Variants in RGS20 observed in about 807,000 individuals in gnomAD.
RGS20 encodes regulator of G protein signaling 20.
Under a neutral mutation model 33.6 loss-of-function variants are expected in RGS20, and 30 were observed. The observed-to-expected ratio is 0.89, with a 90% CI of 0.67 to 1.21. The LOEUF is 1.21. Ranked by LOEUF, RGS20 falls within the 50% of genes most tolerant of loss-of-function variation. The pLI is 0.00. For synonymous variants in RGS20, 208 were observed against 197.9 expected (o/e 1.05, Z -0.43); for missense variants, 472 against 502.4 (o/e 0.94, Z 0.58).
intron 4 of RGS20, among the ~76,000 whole-genome samples, chr8:53,949,615 T>C (rs150885284): frequency 3.9e-4 from 59 of 151,158 alleles, no homozygotes; most frequent in African/African-American, 1.4e-3. Context: ...GTTTGGAAGG[T>C]TGAGGCAGGG....
chr8:53,956,059 A>T (rs1311666858), intron 5 of RGS20, among the ~76,000 whole-genome samples: 2 of 152,144 alleles, frequency 1.3e-5, no homozygotes, highest in Non-Finnish European at 2.9e-5. Flanking sequence ...GGGGTGAGCC[A>T]TCCACAAAGG....
intron 2 of RGS20, among the ~76,000 whole-genome samples, chr8:53,897,050 T>C (rs1171889916): frequency 6.6e-6 from 1 of 152,232 alleles, no homozygotes; most frequent in Non-Finnish European, 1.5e-5. Flanking sequence ...AAGTGGAATT[T>C]GTGAAAAAAG....
chr8:53,918,861 C>T (rs1357056109), intron 2 of RGS20, among the ~76,000 whole-genome samples: 2 of 152,140 alleles, frequency 1.3e-5, no homozygotes, highest in South Asian at 2.1e-4. Context: ...ATGTTTACAA[C>T]AATAAACAAA....
At position 53,958,281 on chromosome 8, in the gene RGS20, C is replaced by A; in HGVS notation, c.990C>A (p.Asp330Glu). ...GTTTCTGTCGACAGGTGAGCTTAGA[C>A]TCCCGGGTGAGAGAAGTGATCAACA... is the stretch of plus-strand genomic sequence containing the variant. Residue 330 changes from aspartate to glutamate, a missense_variant, in exon 6 of 6, where the codon GAC becomes GAA. By Grantham distance (45) the Asp-to-Glu change is conservative (BLOSUM62 2). Around this residue, in one of 3 missense-constraint regions of RGS20, gnomAD observed 125 missense variants for 169.5 expected, o/e 0.74. Coordinates refer to ENST00000297313, the MANE Select transcript of RGS20 (RefSeq NM_170587.4). 1 of 1,610,858 alleles carries A rather than the reference C, an allele frequency of 6.2e-7. No homozygotes were observed. Among genetic ancestry groups the A allele is most frequent in the Non-Finnish European group, 8.5e-7 (1 of 1,178,214 alleles).
chr8:53,944,707 T>C (rs540926710), intron 3 of RGS20, among the ~76,000 whole-genome samples: 5 of 152,074 alleles, frequency 3.3e-5, no homozygotes, highest in Non-Finnish European at 7.3e-5. Context: ...GATATAAAAT[T>C]ATCATTAAAA....
intron 2 of RGS20, among the ~76,000 whole-genome samples, chr8:53,900,987 C>T (rs1304264908): frequency 6.6e-6 from 1 of 152,106 alleles, no homozygotes; most frequent in Admixed American, 6.6e-5. Flanking sequence ...TCCTCCACAC[C>T]CCTCACAGCA....
chr8:53,922,597 T>A (rs1310345955), intron 2 of RGS20, among the ~76,000 whole-genome samples: 1 of 152,214 alleles, frequency 6.6e-6, no homozygotes, highest in Non-Finnish European at 1.5e-5. Context: ...CTTATTAACT[T>A]CCTTTGTTTT....
At chr8:53,906,211 C>T (rs942599452) in intron 2 of RGS20, among the ~76,000 whole-genome samples, 2 of 151,992 alleles carry the variant, frequency 1.3e-5, no homozygotes, top group Non-Finnish European at 2.9e-5. Flanking sequence ...CTCGTCCCTA[C>T]TAAAAATACA....
chr8:53,890,772 G>A (rs1054480366), intron 2 of RGS20, among the ~76,000 whole-genome samples: 3 of 152,224 alleles, frequency 2.0e-5, no homozygotes, highest in Non-Finnish European at 4.4e-5. Flanking sequence ...TGGGATTACA[G>A]GCACTTGCCA....
Position 53,942,642 on chromosome 8 carries a change from T to C in RGS20, c.659+2918T>C, listed in dbSNP as rs575813485. ...GGATGAATATATTGTGGTATAGTTA[T>C]ACAATCCACTACCATACAGCACTTA... On this transcript the variant is annotated intron_variant, in intron 3 of 5. Coordinates refer to ENST00000297313, the MANE Select transcript of RGS20 (RefSeq NM_170587.4). Among the ~76,000 whole-genome samples the C allele has an allele frequency of 9.9e-5, 15 of 152,188 alleles. 1 individual carries two copies. In the South Asian group the frequency reaches 2.9e-3, roughly 29 times the overall value.
intron 2 of RGS20, among the ~76,000 whole-genome samples, chr8:53,888,928 AAT>A (rs2129277020): frequency 6.6e-6 from 1 of 152,318 alleles, no homozygotes; most frequent in Admixed American, 6.5e-5. Context: ...CCTTTGTGTG[AAT>A]ACACCACAGT....
In RGS20 at chr8:53,920,407, GTTTT is replaced by G. The variant is rs201762734; in HGVS notation, c.511-19164_511-19161del. ...CTGAACTCATTTATTAGTTCTAATT[GTTTT>G]TTTTGTTTGTTTTTAGTGGAATTCT... On this transcript the variant is annotated intron_variant, in intron 2 of 5. Coordinates refer to ENST00000297313, the MANE Select transcript of RGS20 (RefSeq NM_170587.4). Among the ~76,000 whole-genome samples the G allele has an allele frequency of 4.6e-5, 7 of 151,554 alleles. No individual in the cohort carries two copies. The East Asian group carries it at 1.2e-3, about 25-fold the overall frequency.
intron 2 of RGS20, among the ~76,000 whole-genome samples, chr8:53,892,627 C>A (rs1812744756): frequency 1.3e-5 from 2 of 152,092 alleles, no homozygotes; most frequent in South Asian, 4.1e-4. Context: ...TTTTGTGAGC[C>A]TCTGAATTTG....
At chr8:53,867,247 CA>C (rs1229952926) in intron 1 of RGS20, among the ~76,000 whole-genome samples, 2 of 152,026 alleles carry the variant, frequency 1.3e-5, no homozygotes, top group African/African-American at 4.8e-5. Context: ...TTATGCCACT[CA>C]AAAAAGAGAA....
chr8:53,926,439 G>A (rs1813798513), intron 2 of RGS20, among the ~76,000 whole-genome samples: 1 of 152,024 alleles, frequency 6.6e-6, no homozygotes, highest in Admixed American at 6.6e-5. Flanking sequence ...TCTGGAACAG[G>A]AACTTGAGTC....
chr8:53,878,088 T>C (rs1377975988), intron 1 of RGS20, among the ~76,000 whole-genome samples: 2 of 152,210 alleles, frequency 1.3e-5, no homozygotes, highest in African/African-American at 4.8e-5. Flanking sequence ...ACCCCAGCAC[T>C]TTATTCGCTG....
intron 2 of RGS20, among the ~76,000 whole-genome samples, chr8:53,888,561 A>G (rs1374712982): frequency 6.6e-6 from 1 of 152,056 alleles, no homozygotes; most frequent in East Asian, 1.9e-4. Flanking sequence ...ATCTCCACCC[A>G]CTGCATGATG....
chr8:53,869,625 A>T (rs1035355429), intron 1 of RGS20, among the ~76,000 whole-genome samples: 3 of 152,154 alleles, frequency 2.0e-5, no homozygotes, highest in Non-Finnish European at 4.4e-5. Context: ...GCGGCGAGCC[A>T]AGATCACGCC....
In RGS20 at chr8:53,959,206, A is replaced by C. The variant is rs1814965207; in HGVS notation, c.*748A>C. The C allele has an allele frequency of 6.6e-6, 1 of 152,234 alleles. No homozygotes were observed. Among genetic ancestry groups the C allele is most frequent in the Non-Finnish European group, 1.5e-5 (1 of 68,046 alleles). 9.4% of individuals were successfully genotyped at this position (152,234 alleles called of 1,614,324 possible). A position where few individuals can be genotyped will look rare whatever the true frequency, so the allele number is the denominator to read the frequency against. On this transcript the variant is annotated 3_prime_UTR_variant, in exon 6 of 6. Coordinates refer to ENST00000297313, the MANE Select transcript of RGS20 (RefSeq NM_170587.4). The stretch of plus-strand genomic sequence containing the variant: ...AATTCATAACTTGGTCATGTTCACA[A>C]CAAAACTGTCAAATAAGCATATTTC...
Sources: allele counts gnomAD v4.1 joint callset (sites outside exome capture counted in the v4.1 genomes callset), GRCh38; gene constraint gnomAD v4.1.1; regional missense constraint gnomAD v4.1.1; transcripts MANE v1.5; gene names NCBI Gene and HGNC (gene_info 2026-07-23, HGNC 2026-07-21).